KCNJ6: variants seen among roughly 807,000 people sequenced by gnomAD.
The protein encoded by KCNJ6 is potassium inwardly rectifying channel subfamily J member 6.
Under a neutral mutation model 34.2 loss-of-function variants are expected in KCNJ6, and 9 were observed. The observed-to-expected ratio is 0.26, with a 90% CI of 0.16 to 0.46. KCNJ6 has a LOEUF of 0.46. KCNJ6 is among the 20% of genes least tolerant of loss of function. The probability of loss-of-function intolerance (pLI) is 1.00; values close to 1 mark genes in which losing one functional copy is unlikely to be tolerated. For missense variants in KCNJ6, 236 were observed against 531.3 expected (o/e 0.44, Z 5.46); for synonymous variants, 196 against 207.1 (o/e 0.95, Z 0.46).
At position 37,851,817 on chromosome 21, in the gene KCNJ6, C is replaced by T. The variant is rs116354667; in HGVS notation, c.-27-11108G>A. On this transcript the variant is annotated intron_variant, in intron 1 of 3. Coordinates refer to ENST00000609713, the MANE Select transcript of KCNJ6 (RefSeq NM_002240.5). Reference sequence around the variant, plus strand: ...AATATATATGACAAACTTAAGTTGACTCTGAAAGGTGAATAGAGGAAGCCA... The same window carrying T: ...AATATATATGACAAACTTAAGTTGATTCTGAAAGGTGAATAGAGGAAGCCA... Among the ~76,000 whole-genome samples, 1,455 of 151,860 alleles carry T rather than the reference C, an allele frequency of 9.6e-3. 20 individuals are homozygous for T. Among genetic ancestry groups the T allele is most frequent in the African/African-American group, 0.032 (1,333 of 41,384 alleles).
intron 2 of KCNJ6, among the ~76,000 whole-genome samples, chr21:37,790,338 G>C (rs1360261872): frequency 6.6e-6 from 1 of 152,186 alleles, no homozygotes; most frequent in Non-Finnish European, 1.5e-5. Flanking sequence ...GCAGGCAGTA[G>C]GGGGGCATCT....
At chr21:37,766,216 C>T (rs937960104) in intron 2 of KCNJ6, among the ~76,000 whole-genome samples, 2 of 152,174 alleles carry the variant, frequency 1.3e-5, no homozygotes, top group South Asian at 2.1e-4. Context: ...CTAAGAATGG[C>T]GGCTCTGTAT....
At chr21:37,789,571 G>A (rs981499354) in intron 2 of KCNJ6, among the ~76,000 whole-genome samples, 1 of 152,174 alleles carries the variant, frequency 6.6e-6, no homozygotes, top group Admixed American at 6.5e-5. Context: ...ATGGAAACCT[G>A]AGCAGACTAA....
At chr21:37,776,232 T>C (rs571249401) in intron 2 of KCNJ6, among the ~76,000 whole-genome samples, 424 of 152,322 alleles carry the variant, frequency 2.8e-3, no homozygotes, top group African/African-American at 7.9e-3. Context: ...GCTTATCAGC[T>C]TAAGAAGATT....
chr21:37,822,513 G>C (rs2055377983), intron 2 of KCNJ6, among the ~76,000 whole-genome samples: 2 of 152,174 alleles, frequency 1.3e-5, no homozygotes, highest in African/African-American at 4.8e-5. Flanking sequence ...AATGGGTACG[G>C]GCTATTGTTT....
chr21:37,731,572 G>C (rs2123468200), intron 2 of KCNJ6, among the ~76,000 whole-genome samples: 1 of 152,272 alleles, frequency 6.6e-6, no homozygotes, highest in East Asian at 1.9e-4. Flanking sequence ...ATCTGAGAGA[G>C]GCTGGCTACC....
chr21:37,891,264 G>GACACAC (rs912195011), intron 1 of KCNJ6, among the ~76,000 whole-genome samples: 3 of 151,946 alleles, frequency 2.0e-5, no homozygotes, highest in African/African-American at 7.3e-5. Flanking sequence ...CACAGGCAAA[G>GACACAC]ACACACACAC....
At chr21:37,768,707 G>A (rs1254651517) in intron 2 of KCNJ6, among the ~76,000 whole-genome samples, 2 of 152,174 alleles carry the variant, frequency 1.3e-5, no homozygotes, top group Non-Finnish European at 2.9e-5. Flanking sequence ...AAGCACAAGA[G>A]GCAACAGGCT....
At chr21:37,898,204 A>G (rs887533701) in intron 1 of KCNJ6, among the ~76,000 whole-genome samples, 1 of 152,190 alleles carries the variant, frequency 6.6e-6, no homozygotes, top group African/African-American at 2.4e-5. Context: ...TGATTTGTAC[A>G]TTTGAGTGGC....
At chr21:37,729,126 T>TA (rs144646428) in intron 2 of KCNJ6, among the ~76,000 whole-genome samples, 3,624 of 152,296 alleles carry the variant, frequency 0.024, 129 homozygotes, top group African/African-American at 0.082. Flanking sequence ...TAAAGGGTCC[T>TA]ATTAGCATTT....
chr21:37,737,968 A>G (rs531787855), intron 2 of KCNJ6, among the ~76,000 whole-genome samples: 6 of 152,332 alleles, frequency 3.9e-5, no homozygotes, highest in East Asian at 3.9e-4. Context: ...GGGTCAAACC[A>G]TGCTCTGCAC....
intron 1 of KCNJ6, among the ~76,000 whole-genome samples, chr21:37,884,701 A>G (rs1219945898): frequency 6.6e-6 from 1 of 152,114 alleles, no homozygotes; most frequent in Non-Finnish European, 1.5e-5. Flanking sequence ...ATATCTTTAT[A>G]AGTAGAGTCA....
At chr21:37,651,381 GAGAT>G (rs1203155289) in intron 3 of KCNJ6, among the ~76,000 whole-genome samples, 1 of 152,204 alleles carries the variant, frequency 6.6e-6, no homozygotes, top group East Asian at 1.9e-4. Flanking sequence ...GAGTTTGGAG[GAGAT>G]AGATAGGATC....
chr21:37,654,469 C>T (rs930587395), intron 3 of KCNJ6, among the ~76,000 whole-genome samples: 7 of 151,886 alleles, frequency 4.6e-5, no homozygotes, highest in Non-Finnish European at 8.8e-5. Context: ...TATTGCTTTC[C>T]TCCAGTTTAC....
intron 2 of KCNJ6, among the ~76,000 whole-genome samples, chr21:37,811,596 T>A (rs2055323034): frequency 6.6e-6 from 1 of 152,140 alleles, no homozygotes; most frequent in Non-Finnish European, 1.5e-5. Flanking sequence ...TGTTTGAGAA[T>A]GGAGATAAAC....
At chr21:37,762,218 T>G (rs2055068822) in intron 2 of KCNJ6, among the ~76,000 whole-genome samples, 1 of 152,156 alleles carries the variant, frequency 6.6e-6, no homozygotes, top group African/African-American at 2.4e-5. Flanking sequence ...CTCCTCTGGC[T>G]CCCTGAGGAG....
rs563540734 is a variant in KCNJ6, at chr21:37,715,074, T to G, written c.83A>C (p.His28Pro). 1 of 1,614,186 alleles carries G rather than the reference T, an allele frequency of 6.2e-7. No individual in the cohort carries two copies. Among genetic ancestry groups the G allele is most frequent in the Non-Finnish European group, 8.5e-7 (1 of 1,180,030 alleles). Residue 28 changes from histidine (H) to proline (P), a missense_variant, in exon 3 of 4, where the codon CAC becomes CCC. Physicochemically the swap from His to Pro is moderately conservative, Grantham distance 77. Coordinates refer to ENST00000609713, the MANE Select transcript of KCNJ6 (RefSeq NM_002240.5). The part of the protein sequence containing the change: ...DQDVESPVAI[H>P]QPKLPKQARD... Reference sequence around the variant, plus strand: ...GGCCTGCTTAGGCAACTTTGGCTGGTGAATGGCCACTGGGCTTTCGACGTC... The same window carrying G: ...GGCCTGCTTAGGCAACTTTGGCTGGGGAATGGCCACTGGGCTTTCGACGTC...
intron 3 of KCNJ6, among the ~76,000 whole-genome samples, chr21:37,703,013 G>A (rs888486005): frequency 3.9e-5 from 6 of 152,140 alleles, no homozygotes; most frequent in Admixed American, 2.0e-4. Flanking sequence ...AGAAAGTGGC[G>A]AAGGAGAGGA....
chr21:37,758,623 G>T (rs2055043835), intron 2 of KCNJ6, among the ~76,000 whole-genome samples: 1 of 152,040 alleles, frequency 6.6e-6, no homozygotes, highest in South Asian at 2.1e-4. Context: ...GGATTGTACA[G>T]ACATAGGAGT....
Sources: allele counts gnomAD v4.1 joint callset (sites outside exome capture counted in the v4.1 genomes callset), GRCh38; gene constraint gnomAD v4.1.1; transcripts MANE v1.5; gene names NCBI Gene and HGNC (gene_info 2026-07-23, HGNC 2026-07-21).